The following SLC6A17 variants were observed in gnomAD, a reference collection of about 807,000 sequenced individuals.
SLC6A17 encodes solute carrier family 6 member 17.
A neutral mutation model predicts 64.5 loss-of-function variants in SLC6A17; 21 were observed. That is an observed-to-expected ratio of 0.33 (90% CI 0.23 to 0.47). The LOEUF (loss-of-function observed/expected upper bound fraction) is 0.47. SLC6A17 is among the 20% of genes least tolerant of loss of function. The pLI, the probability that SLC6A17 is intolerant of heterozygous loss-of-function variation, is 1.00. For missense variants in SLC6A17, 682 were observed against 963.2 expected (o/e 0.71, Z 3.86); for synonymous variants, 372 against 399.5 (o/e 0.93, Z 0.82).
chr1:110,161,899 C>A (rs2361042), intron 1 of SLC6A17, among the ~76,000 whole-genome samples: 4 of 152,030 alleles, frequency 2.6e-5, no homozygotes, highest in African/African-American at 4.8e-5. Context: ...GAGCCCTCAC[C>A]CCTCTGGCAG....
chr1:110,150,918 G>C (rs1171750751), intron 1 of SLC6A17, 35 bp downstream of exon 1: 1 of 152,230 alleles, frequency 6.6e-6, no homozygotes, highest in Non-Finnish European at 1.5e-5. Context: ...TGGCTTTACC[G>C]GGCCGGCCAC....
chr1:110,175,941 TGA>T (rs1278325465), intron 5 of SLC6A17, among the ~76,000 whole-genome samples: 1 of 152,212 alleles, frequency 6.6e-6, no homozygotes, highest in Non-Finnish European at 1.5e-5. Context: ...ATGAAATGCC[TGA>T]GGCCACATGT....
rs1041888542 is a variant in SLC6A17 at position 110,176,522 on chromosome 1, T to C, written c.754-107T>C. The C allele has an allele frequency of 2.2e-5, 23 of 1,051,910 alleles. No individual in the cohort carries two copies. The Middle Eastern group carries it at 8.3e-4, about 38-fold the overall frequency. 65.2% of individuals were successfully genotyped at this position (1,051,910 alleles called of 1,614,324 possible). A position where few individuals can be genotyped will look rare whatever the true frequency, so the allele number is the denominator to read the frequency against. ...GCCCAGGGGTTCCAGGGCTCTGTTTTCTGCTGCCATCAGGGGCGGCTCATG... is the reference window on the plus strand; with the variant it reads ...GCCCAGGGGTTCCAGGGCTCTGTTTCCTGCTGCCATCAGGGGCGGCTCATG... On this transcript the variant is annotated intron_variant, in intron 5 of 11. Transcript: ENST00000331565.
chr1:110,197,372 G>A, intron 10 of SLC6A17, 65 bp from the exon 11 acceptor site: 1 of 1,546,498 alleles, frequency 6.5e-7, no homozygotes, highest in Non-Finnish European at 8.7e-7. Flanking sequence ...AGGAGATGGT[G>A]ATGGGGGAAG....
intron 1 of SLC6A17, among the ~76,000 whole-genome samples, chr1:110,153,519 A>ATTGTGTGTGTGTG (rs1655662222): frequency 7.3e-6 from 1 of 137,228 alleles, no homozygotes; most frequent in Non-Finnish European, 1.6e-5. Flanking sequence ...GCTACTGGAA[A>ATTGTGTGTGTGTG]TGTGTGTGTG....
intron 9 of SLC6A17, 113 bp downstream of exon 9, chr1:110,194,884 C>A: frequency 7.6e-7 from 1 of 1,308,346 alleles, no homozygotes; most frequent in Non-Finnish European, 1.1e-6. Context: ...AGGCTCCACC[C>A]CACACTGGGA....
intron 1 of SLC6A17, among the ~76,000 whole-genome samples, chr1:110,155,331 T>TTA (rs1557827938): frequency 6.6e-6 from 1 of 152,016 alleles, no homozygotes; most frequent in Non-Finnish European, 1.5e-5. Context: ...CAGTTTTTTT[T>TTA]AAAAAATACA....
At chr1:110,164,655 A>G (rs1226581747) in intron 1 of SLC6A17, among the ~76,000 whole-genome samples, 2 of 152,196 alleles carry the variant, frequency 1.3e-5, no homozygotes, top group African/African-American at 4.8e-5. Context: ...TCTTGGGAAG[A>G]AGGAGGAAGC....
rs751364809 is a variant in SLC6A17 at position 110,167,145 on chromosome 1, C to T, written c.216C>T (p.Ala72=). The change falls in exon 2 of 12, where the codon GCC becomes GCT. Residue 72 remains alanine, a synonymous_variant. Transcript: ENST00000331565. ...ACAGTAAGCTGCAGTACATCCTGGCCCAGATTGGCTTCTCTGTGGGCCTCG... is the reference window on the plus strand; with the variant it reads ...ACAGTAAGCTGCAGTACATCCTGGCTCAGATTGGCTTCTCTGTGGGCCTCG... The part of the protein sequence containing the change: ...AWNSKLQYIL[A]QIGFSVGLGN... 1 of 1,613,674 alleles carries T rather than the reference C, an allele frequency of 6.2e-7. No homozygotes were observed. Among genetic ancestry groups the T allele is most frequent in the Non-Finnish European group, 8.5e-7 (1 of 1,179,900 alleles).
rs74117544 is a variant in SLC6A17, at chr1:110,181,022, G to A, written c.864+4283G>A. Among the ~76,000 whole-genome samples the A allele has an allele frequency of 5.8e-3, 880 of 152,268 alleles. 7 individuals carry two copies. Among genetic ancestry groups the A allele is most frequent in the African/African-American group, 0.02 (818 of 41,546 alleles). On this transcript the variant is annotated intron_variant, in intron 6 of 11. Transcript: ENST00000331565. ...GACAGTTACCGGGTATGATGAATGCGATGTGGCCAAGCTGCCATGATGACC... is the reference window on the plus strand; with the variant it reads ...GACAGTTACCGGGTATGATGAATGCAATGTGGCCAAGCTGCCATGATGACC...
chr1:110,152,260 C>G (rs751904274), intron 1 of SLC6A17, among the ~76,000 whole-genome samples: 1 of 152,164 alleles, frequency 6.6e-6, no homozygotes, highest in South Asian at 2.1e-4. Flanking sequence ...GCTCCACTGC[C>G]GGATTTTTCT....
At chr1:110,180,573 G>C (rs1656496296) in intron 6 of SLC6A17, among the ~76,000 whole-genome samples, 1 of 152,124 alleles carries the variant, frequency 6.6e-6, no homozygotes, top group Non-Finnish European at 1.5e-5. Flanking sequence ...TTTGCAGAAA[G>C]GGTAGGCCGA....
chr1:110,179,776 C>T lies in SLC6A17; in HGVS notation c.864+3037C>T, dbSNP rs1052628107. On this transcript the variant is annotated intron_variant, in intron 6 of 11. Coordinates refer to ENST00000331565, the MANE Select transcript of SLC6A17 (RefSeq NM_001010898.4). Reference sequence around the variant, plus strand: ...CCATGTTGGTCAGGTTGGTCTCGAACTCCCGACCTCAGATGATCCGCCCGC... The same window carrying T: ...CCATGTTGGTCAGGTTGGTCTCGAATTCCCGACCTCAGATGATCCGCCCGC... 2.6e-5 allele frequency among the ~76,000 whole-genome samples: 4 copies of T among 152,096 alleles called. No individual in the cohort carries two copies. The South Asian group carries it at 8.3e-4, about 32-fold the overall frequency.
At chr1:110,169,276 A>C (rs1656153709) in intron 2 of SLC6A17, among the ~76,000 whole-genome samples, 1 of 152,172 alleles carries the variant, frequency 6.6e-6, no homozygotes, top group Non-Finnish European at 1.5e-5. Flanking sequence ...TATGAGAAAA[A>C]GGCAAATGTT....
chr1:110,197,903 C>T (rs1444354040), intron 11 of SLC6A17, among the ~76,000 whole-genome samples, 173 bp from the exon 12 acceptor site: 4 of 152,178 alleles, frequency 2.6e-5, no homozygotes, highest in Non-Finnish European at 5.9e-5. Flanking sequence ...CACCCTAGAC[C>T]CTTTCACCAA....
In SLC6A17 at chr1:110,187,359, A is replaced by G. The variant is rs1276934877; in HGVS notation, c.865-4613A>G. ...CTTACGGAAGATGGAAGTGAGGTGC[A>G]GAAACAGCTGGATTGGTCACAGCTT... On this transcript the variant is annotated intron_variant, in intron 6 of 11. Transcript: ENST00000331565. 2.6e-5 allele frequency among the ~76,000 whole-genome samples: 4 copies of G among 152,244 alleles called. No homozygotes were observed. The East Asian group carries it at 7.7e-4, about 29-fold the overall frequency.
At chr1:110,198,036 C>T in intron 11 of SLC6A17, 40 bp from the exon 12 acceptor site, 1 of 1,570,222 alleles carries the variant, frequency 6.4e-7, no homozygotes, top group South Asian at 1.2e-5. Flanking sequence ...GGAGGGCTGT[C>T]ACAGTGCCGG....
At position 110,166,830 on chromosome 1, in the gene SLC6A17, C is replaced by T; in HGVS notation, c.-87-13C>T. On this transcript the variant is annotated splice_polypyrimidine_tract_variant and intron_variant, in intron 1 of 11. Transcript: ENST00000331565. ...TGGTCAGATAATCCTTTACTGCTCA[C>T]CTGGTTTCCTAGGTCCCTGAATGAG... 1 of 1,441,438 alleles carries T rather than the reference C, an allele frequency of 6.9e-7. No homozygotes were observed. Among genetic ancestry groups the T allele is most frequent in the African/African-American group, 1.4e-5 (1 of 70,080 alleles). 89.3% of individuals were successfully genotyped at this position (1,441,438 alleles called of 1,614,324 possible).
chr1:110,182,304 A>G (rs1213105233), intron 6 of SLC6A17, among the ~76,000 whole-genome samples: 1 of 152,200 alleles, frequency 6.6e-6, no homozygotes, highest in African/African-American at 2.4e-5. Flanking sequence ...GGAGATGGGG[A>G]AGACAGTGGA....
Sources: allele counts gnomAD v4.1 joint callset (sites outside exome capture counted in the v4.1 genomes callset), GRCh38; gene constraint gnomAD v4.1.1; transcripts MANE v1.5; gene names NCBI Gene and HGNC (gene_info 2026-07-23, HGNC 2026-07-21).